ZNF469: variants seen among roughly 807,000 people sequenced by gnomAD.
ZNF469 encodes zinc finger protein 469.
Under a neutral mutation model 1.0 loss-of-function variants are expected in ZNF469, and 1 was observed. The ratio of observed to expected loss-of-function variants is 1.00; its 90% CI spans 0.35 to 4.73. The LOEUF (loss-of-function observed/expected upper bound fraction) is 4.73. Among genes scored for constraint, ZNF469 ranks in the 30% most tolerant of loss-of-function variants. ZNF469 has a pLI of 0.16. For synonymous variants in ZNF469, 2,703 were observed against 2,363.4 expected, an observed-to-expected ratio of 1.14 and a Z score of -4.17; for missense variants, 6,100 against 5,356.3, an observed-to-expected ratio of 1.14 and a Z score of -4.33.
rs985213215 is a variant in ZNF469 at position 88,436,937 on chromosome 16, G to C, written c.9467G>C (p.Arg3156Pro). Reference protein sequence around the residue: ...YMCVERRFGSRELLRGHLQER... With the variant: ...YMCVERRFGSPELLRGHLQER... ...TGCGTGGAGCGCAGGTTTGGCTCGC[G>C]GGAGCTGCTGCGGGGGCACCTGCAG... The change falls in exon 3 of 3, where the codon CGG becomes CCG. Residue 3156 changes from arginine (R) to proline (P), a missense_variant. Transcript: ENST00000565624. 18 of 1,492,632 alleles carry C rather than the reference G, an allele frequency of 1.2e-5. No homozygotes were observed. The highest frequency in any genetic ancestry group is 1.4e-5 in the Non-Finnish European group (16 of 1,122,614). The allele number at this position is 1,492,632 out of a possible 1,614,324, so 92.5% of individuals were successfully genotyped here. A position where few individuals can be genotyped will look rare whatever the true frequency, so the allele number is the denominator to read the frequency against.
the ZNF469 span, among the ~76,000 whole-genome samples, chr16:88,280,535 G>C: frequency 1.3e-5 from 2 of 149,970 alleles, no homozygotes; most frequent in African/African-American, 5.0e-5. Flanking sequence ...TCAGCACACG[G>C]GTTGGTGCTG....
the ZNF469 span, among the ~76,000 whole-genome samples, chr16:88,180,028 G>A: frequency 6.6e-6 from 1 of 152,186 alleles, no homozygotes; most frequent in African/African-American, 2.4e-5. Context: ...AGGCAATAGT[G>A]AAGATAAAAT....
the ZNF469 span, among the ~76,000 whole-genome samples, chr16:88,239,695 ATATATATATATATATATATATTTTTTT>A: frequency 0.031 from 178 of 5,718 alleles, 17 homozygotes; most frequent in African/African-American, 0.086. Flanking sequence ...ATATATATAT[ATATATATATATATATATATATTTTTTT>A]TTTTTTTTTT....
At chr16:88,334,641 G>A in the ZNF469 span, among the ~76,000 whole-genome samples, 299 of 152,326 alleles carry the variant, frequency 2.0e-3, 4 homozygotes, top group African/African-American at 6.8e-3. Flanking sequence ...GATGACTGTG[G>A]CCTTATTTCA....
the ZNF469 span, among the ~76,000 whole-genome samples, chr16:88,218,470 T>G: frequency 1.6e-3 from 237 of 151,980 alleles, no homozygotes; most frequent in African/African-American, 5.4e-3. Context: ...GTCAATTTTG[T>G]CTTTTGTTGC....
At chr16:88,360,418 G>A in the ZNF469 span, among the ~76,000 whole-genome samples, 30 of 152,016 alleles carry the variant, frequency 2.0e-4, no homozygotes, top group Non-Finnish European at 4.3e-4. Context: ...CTGCCAACGT[G>A]CAGAAGAACA....
the ZNF469 span, among the ~76,000 whole-genome samples, chr16:88,274,107 T>C: frequency 2.6e-5 from 4 of 152,206 alleles, no homozygotes; most frequent in Non-Finnish European, 4.4e-5. Flanking sequence ...CTGGCCAGAA[T>C]ATTTTTTATT....
At chr16:88,147,826 A>G in the ZNF469 span, among the ~76,000 whole-genome samples, 1 of 152,140 alleles carries the variant, frequency 6.6e-6, no homozygotes, top group Non-Finnish European at 1.5e-5. Flanking sequence ...GAGCTCAGAG[A>G]ATATCCCATG....
the ZNF469 span, among the ~76,000 whole-genome samples, chr16:88,346,859 C>A: frequency 6.6e-6 from 1 of 152,232 alleles, no homozygotes; most frequent in African/African-American, 2.4e-5. Flanking sequence ...ATTGTGTCCA[C>A]GCTGCCACAT....
the ZNF469 span, among the ~76,000 whole-genome samples, chr16:88,298,176 G>A: frequency 0.045 from 6,859 of 152,244 alleles, 483 homozygotes; most frequent in African/African-American, 0.15. Flanking sequence ...GGGGTCTGGG[G>A]GCACCAGGCT....
intron 1 of ZNF469, among the ~76,000 whole-genome samples, chr16:88,402,745 A>G (rs1315302468): frequency 6.6e-6 from 1 of 152,102 alleles, no homozygotes; most frequent in East Asian, 1.9e-4. Context: ...CTGCCTCTGG[A>G]CATTATTCCT....
chr16:88,187,049 G>T, the ZNF469 span, among the ~76,000 whole-genome samples: 1 of 152,202 alleles, frequency 6.6e-6, no homozygotes, highest in Non-Finnish European at 1.5e-5. Flanking sequence ...GGGAGGCCCC[G>T]GGGTATGAAG....
intron 1 of ZNF469, among the ~76,000 whole-genome samples, chr16:88,401,356 C>T (rs1904847051): frequency 6.6e-6 from 1 of 152,224 alleles, no homozygotes; most frequent in Non-Finnish European, 1.5e-5. Flanking sequence ...GCACCTTCAG[C>T]CCTGCAGTAA....
intron 1 of ZNF469, among the ~76,000 whole-genome samples, chr16:88,420,482 G>T (rs888961077): frequency 2.6e-5 from 4 of 152,200 alleles, no homozygotes; most frequent in African/African-American, 7.2e-5. Flanking sequence ...AGGCCAGGAG[G>T]CCCAATTGGA....
the ZNF469 span, among the ~76,000 whole-genome samples, chr16:88,267,968 C>T: frequency 2.2e-4 from 34 of 151,864 alleles, no homozygotes; most frequent in African/African-American, 3.6e-4. Flanking sequence ...GCAAGGGAAC[C>T]GATTTCTCCA....
chr16:88,222,888 C>G, the ZNF469 span, among the ~76,000 whole-genome samples: 1 of 152,350 alleles, frequency 6.6e-6, no homozygotes, highest in African/African-American at 2.4e-5. Context: ...CATGGGCCAC[C>G]ACACTCATCC....
At chr16:88,345,337 G>T in the ZNF469 span, among the ~76,000 whole-genome samples, 1 of 152,200 alleles carries the variant, frequency 6.6e-6, no homozygotes, top group African/African-American at 2.4e-5. Context: ...CCTGAGGCCT[G>T]GGTAGTGGTA....
chr16:88,117,629 T>TGGGAAAGTGCCACGTGTCTTCAC, the ZNF469 span, among the ~76,000 whole-genome samples: 16 of 22,146 alleles, frequency 7.2e-4, no homozygotes, highest in African/African-American at 3.1e-3. Flanking sequence ...CGTGTCTTCA[T>TGGGAAAGTGCCACGTGTCTTCAC]GGACCGTGGG....
intron 1 of ZNF469, among the ~76,000 whole-genome samples, chr16:88,388,393 C>G (rs1024481427): frequency 3.3e-5 from 5 of 152,280 alleles, no homozygotes; most frequent in African/African-American, 9.6e-5. Context: ...GCCATTGAGG[C>G]TTTCCTACCG....
Sources: allele counts gnomAD v4.1 joint callset (sites outside exome capture counted in the v4.1 genomes callset), GRCh38; gene constraint gnomAD v4.1.1; transcripts MANE v1.5; gene names NCBI Gene and HGNC (gene_info 2026-07-23, HGNC 2026-07-21).